The following GPC6 variants were observed in gnomAD, a reference collection of about 807,000 sequenced individuals.
GPC6 encodes the protein glypican-6.
In GPC6, 14 loss-of-function variants were observed where a neutral mutation model predicts 55.2. That is an observed-to-expected ratio of 0.25 (90% CI 0.17 to 0.40). The LOEUF (loss-of-function observed/expected upper bound fraction) is 0.40. Ranked by LOEUF, GPC6 falls within the 10% of genes least tolerant of loss-of-function variation. GPC6 has a pLI of 1.00. For synonymous variants in GPC6, 278 were observed against 259.6 expected, an observed-to-expected ratio of 1.07 and a Z score of -0.68; for missense variants, 641 against 708.5, an observed-to-expected ratio of 0.90 and a Z score of 1.08.
chr13:93,894,800 A>C (rs551461386), intron 3 of GPC6, among the ~76,000 whole-genome samples: 1 of 152,230 alleles, frequency 6.6e-6, no homozygotes, highest in Admixed American at 6.6e-5. Flanking sequence ...AGGATTTGGG[A>C]ATACACATAA....
At chr13:93,570,038 A>G (rs1183298294) in intron 2 of GPC6, among the ~76,000 whole-genome samples, 1 of 152,258 alleles carries the variant, frequency 6.6e-6, no homozygotes, top group East Asian at 1.9e-4. Flanking sequence ...ATTTAATGTC[A>G]CTGAATATTT....
At chr13:93,909,948 C>G (rs1475211648) in intron 3 of GPC6, among the ~76,000 whole-genome samples, 1 of 152,094 alleles carries the variant, frequency 6.6e-6, no homozygotes, top group African/African-American at 2.4e-5. Flanking sequence ...CCGCTCCTAC[C>G]CACCCCAGGG....
rs185111416 is a variant in GPC6, at chr13:93,823,737, A to G, written c.320-6417A>G. 2.0e-3 allele frequency among the ~76,000 whole-genome samples: 297 copies of G among 152,278 alleles called. 8 individuals carry two copies. The highest frequency in any genetic ancestry group is 0.019 in the Admixed American group (293 of 15,290). On this transcript the variant is annotated intron_variant, in intron 2 of 8. Transcript: ENST00000377047. ...GTGTATATGGAGGGGAGGGACATTT[A>G]CTTGAGGGTTAAAAATTTGGTTCTA...
At chr13:93,890,813 T>A (rs1489428513) in intron 3 of GPC6, among the ~76,000 whole-genome samples, 1 of 151,694 alleles carries the variant, frequency 6.6e-6, no homozygotes, top group Non-Finnish European at 1.5e-5. Context: ...CCTTCTAGAT[T>A]TTTTTCCAGT....
chr13:93,827,350 A>G (rs1887303036), intron 2 of GPC6, among the ~76,000 whole-genome samples: 1 of 152,198 alleles, frequency 6.6e-6, no homozygotes, highest in Admixed American at 6.5e-5. Flanking sequence ...TCATCCAAGC[A>G]TAAAGTAATT....
chr13:93,696,614 A>T lies in GPC6; in HGVS notation c.320-133540A>T, dbSNP rs868411084. On this transcript the variant is annotated intron_variant, in intron 2 of 8. Coordinates refer to ENST00000377047, the MANE Select transcript of GPC6 (RefSeq NM_005708.5). ...ACTTTTATACTGGTTACCTCCATAA[A>T]TTTTTTTTTTTTTTTTTTAGGCAGA... 1.6e-3 allele frequency among the ~76,000 whole-genome samples: 217 copies of T among 136,674 alleles called. 1 individual carries two copies. Among genetic ancestry groups the T allele is most frequent in the African/African-American group, 5.4e-3 (198 of 36,968 alleles). The allele number at this position is 136,674 out of a possible 152,430, so 89.7% of individuals were successfully genotyped here.
chr13:93,735,517 T>C (rs1190363694), intron 2 of GPC6, among the ~76,000 whole-genome samples: 1 of 133,300 alleles, frequency 7.5e-6, no homozygotes, highest in African/African-American at 2.7e-5. Flanking sequence ...CAAGACTCCA[T>C]CTCAAAAAAA....
intron 1 of GPC6, among the ~76,000 whole-genome samples, chr13:93,426,483 A>G (rs868532991): frequency 0.16 from 3,634 of 23,098 alleles, 167 homozygotes; most frequent in African/African-American, 0.16. Flanking sequence ...GAGAATATGC[A>G]GTGTTTGGTT....
At position 93,329,463 on chromosome 13, in the gene GPC6, G is replaced by T. The variant is rs569050861; in HGVS notation, c.160+101847G>T. Among the ~76,000 whole-genome samples the T allele has an allele frequency of 2.0e-5, 3 of 152,176 alleles. No individual in the cohort carries two copies. The East Asian group carries it at 5.8e-4, about 29-fold the overall frequency. ...TGTAAACACTATCTCCCTACTTCTG[G>T]CTCTGTTGATCAGCTACAATGTAAA... On this transcript the variant is annotated intron_variant, in intron 1 of 8. Coordinates refer to ENST00000377047, the MANE Select transcript of GPC6 (RefSeq NM_005708.5).
chr13:94,310,122 T>G (rs1233564134), intron 6 of GPC6, among the ~76,000 whole-genome samples: 1 of 152,232 alleles, frequency 6.6e-6, no homozygotes, highest in Non-Finnish European at 1.5e-5. Context: ...TAAAAGGCAA[T>G]TAGTTGTACA....
intron 2 of GPC6, among the ~76,000 whole-genome samples, chr13:93,635,187 A>G (rs1301540093): frequency 6.6e-6 from 1 of 152,020 alleles, no homozygotes; most frequent in African/African-American, 2.4e-5. Flanking sequence ...ATTGATCCAA[A>G]CTTTCATACA....
At chr13:93,805,907 G>A (rs754001740) in intron 2 of GPC6, among the ~76,000 whole-genome samples, 1 of 152,020 alleles carries the variant, frequency 6.6e-6, no homozygotes, top group Non-Finnish European at 1.5e-5. Context: ...AAATAAATGA[G>A]GCTATAAGTC....
rs1349876207 is a variant in GPC6, at chr13:93,233,555, C to A, written c.160+5939C>A. On this transcript the variant is annotated intron_variant, in intron 1 of 8. Coordinates refer to ENST00000377047, the MANE Select transcript of GPC6 (RefSeq NM_005708.5). Reference sequence around the variant, plus strand: ...CCAGCAGGGAAGCAGAAATTAAGGACACCATTCACAATGAATTAATTCCAA... The same window carrying A: ...CCAGCAGGGAAGCAGAAATTAAGGAAACCATTCACAATGAATTAATTCCAA... Among the ~76,000 whole-genome samples the A allele has an allele frequency of 1.3e-5, 2 of 152,170 alleles. 1 individual carries two copies. The highest frequency in any genetic ancestry group is 1.3e-4 in the Admixed American group (2 of 15,278).
chr13:93,515,713 A>G lies in GPC6; in HGVS notation c.161-29550A>G, dbSNP rs1331445916. Among the ~76,000 whole-genome samples, 9 of 152,168 alleles carry G rather than the reference A, an allele frequency of 5.9e-5. No homozygotes were observed. In the East Asian group the frequency reaches 1.5e-3, roughly 26 times the overall value. On this transcript the variant is annotated intron_variant, in intron 1 of 8. Transcript: ENST00000377047. ...TTACTAGTCTGTCTTTTAAATACTG[A>G]CTAGTGACGTATCATGTTAAATAAA...
intron 2 of GPC6, among the ~76,000 whole-genome samples, chr13:93,552,162 A>T (rs567577637): frequency 6.6e-6 from 1 of 152,330 alleles, no homozygotes; most frequent in South Asian, 2.1e-4. Flanking sequence ...TCTTGAAATC[A>T]GAATGCGCTG....
At chr13:94,308,613 C>G (rs1876079121) in intron 6 of GPC6, among the ~76,000 whole-genome samples, 1 of 152,192 alleles carries the variant, frequency 6.6e-6, no homozygotes, top group Non-Finnish European at 1.5e-5. Context: ...CAGCATGTAG[C>G]ATTTACTTCC....
intron 2 of GPC6, among the ~76,000 whole-genome samples, chr13:93,688,453 T>C (rs1290434626): frequency 6.6e-6 from 1 of 152,046 alleles, no homozygotes; most frequent in Non-Finnish European, 1.5e-5. Flanking sequence ...AAGCAGAGCG[T>C]TAGATATGTG....
intron 4 of GPC6, among the ~76,000 whole-genome samples, chr13:94,205,004 A>G (rs1889860605): frequency 6.6e-6 from 1 of 152,228 alleles, no homozygotes; most frequent in Non-Finnish European, 1.5e-5. Flanking sequence ...CCCTGGATCA[A>G]TCAAATAATA....
chr13:93,590,992 A>T (rs1035692543), intron 2 of GPC6, among the ~76,000 whole-genome samples: 33 of 152,076 alleles, frequency 2.2e-4, no homozygotes, highest in African/African-American at 6.0e-4. Flanking sequence ...ATAATAATAA[A>T]AAAAAAAGGA....
Sources: gnomAD v4.1 joint callset for allele counts (sites outside exome capture counted in the v4.1 genomes callset) on GRCh38, gnomAD v4.1.1 for gene constraint, MANE v1.5 for transcripts, NCBI Gene and HGNC (gene_info 2026-07-23, HGNC 2026-07-21) for gene names.